MYO3B: variants seen among roughly 807,000 people sequenced by gnomAD.
MYO3B encodes myosin-IIIb.
MYO3B carries 156 observed loss-of-function variants against 174.6 expected under a neutral mutation model. The observed-to-expected ratio is 0.89, with a 90% CI of 0.78 to 1.02. The LOEUF (loss-of-function observed/expected upper bound fraction) is 1.02, where lower values mean the gene tolerates loss of function less well. Ranked by LOEUF, MYO3B falls within the 50% of genes least tolerant of loss-of-function variation. MYO3B has a pLI of 0.00. For synonymous variants in MYO3B, 563 were observed against 569.1 expected (o/e 0.99, Z 0.15); for missense variants, 1,632 against 1,639.4 (o/e 1.00, Z 0.08).
intron 7 of MYO3B, among the ~76,000 whole-genome samples, chr2:170,258,182 A>G (rs1169542465): frequency 6.6e-6 from 1 of 152,150 alleles, no homozygotes; most frequent in African/African-American, 2.4e-5. Context: ...AATTATCCAC[A>G]AAAGTCAAGG....
At chr2:170,356,142 T>C (rs1331111256) in intron 8 of MYO3B, among the ~76,000 whole-genome samples, 3 of 151,802 alleles carry the variant, frequency 2.0e-5, no homozygotes, top group Non-Finnish European at 4.4e-5. Context: ...TTTGTATTTT[T>C]ACTGGAGACG....
chr2:170,316,115 T>C (rs925696537), intron 7 of MYO3B, among the ~76,000 whole-genome samples: 3 of 152,242 alleles, frequency 2.0e-5, no homozygotes, highest in African/African-American at 7.2e-5. Context: ...GTATTCCATA[T>C]TCCCATATCT....
chr2:170,408,760 G>GAAAA (rs10668466), intron 22 of MYO3B, among the ~76,000 whole-genome samples: 74,770 of 144,396 alleles, frequency 0.52, 19,725 homozygotes, highest in East Asian at 0.68. Context: ...GCCTGGCTAA[G>GAAAA]AAAAAAAAAA....
At chr2:170,216,300 G>T (rs1348264843) in intron 5 of MYO3B, among the ~76,000 whole-genome samples, 2 of 152,122 alleles carry the variant, frequency 1.3e-5, no homozygotes, top group African/African-American at 4.8e-5. Flanking sequence ...TGGTATAAAA[G>T]AATACCTTAT....
At chr2:170,649,909 G>C (rs1245811700) in intron 32 of MYO3B, 1 of 148,622 alleles carries the variant, frequency 6.7e-6, no homozygotes, top group Non-Finnish European at 1.5e-5. Context: ...GAAATCTAGG[G>C]TTGGGTACCC....
intron 22 of MYO3B, among the ~76,000 whole-genome samples, chr2:170,416,150 C>G (rs1185980314): frequency 1.3e-5 from 2 of 152,120 alleles, no homozygotes; most frequent in African/African-American, 4.8e-5. Context: ...GGTGATGCAT[C>G]TGCAGCATCG....
At chr2:170,633,545 C>G (rs893424450) in intron 32 of MYO3B, among the ~76,000 whole-genome samples, 1 of 152,172 alleles carries the variant, frequency 6.6e-6, no homozygotes, top group Admixed American at 6.5e-5. Flanking sequence ...GAAGCATTCC[C>G]TTTGAAAACT....
At chr2:170,638,513 T>C (rs1456686255) in intron 32 of MYO3B, among the ~76,000 whole-genome samples, 1 of 152,230 alleles carries the variant, frequency 6.6e-6, no homozygotes, top group Non-Finnish European at 1.5e-5. Context: ...AAAGCATTTA[T>C]GTCAGTTTCA....
intron 7 of MYO3B, among the ~76,000 whole-genome samples, chr2:170,293,540 T>A (rs61398198): frequency 0.054 from 8,186 of 152,220 alleles, 745 homozygotes; most frequent in African/African-American, 0.18. Flanking sequence ...TCTCAACCTC[T>A]TCTCTGTCTG....
At chr2:170,340,590 C>A (rs915386230) in intron 8 of MYO3B, 1 of 152,146 alleles carries the variant, frequency 6.6e-6, no homozygotes, top group African/African-American at 2.4e-5. Flanking sequence ...CGAGTGAAAA[C>A]TACTTTTGTG....
intron 7 of MYO3B, among the ~76,000 whole-genome samples, chr2:170,314,799 C>G (rs2093763397): frequency 1.3e-5 from 2 of 152,182 alleles, no homozygotes; most frequent in Non-Finnish European, 2.9e-5. Flanking sequence ...AGAAAAGCAT[C>G]TTGTGCTGGT....
rs530448494 is a variant in MYO3B, at chr2:170,555,710, A to C, written c.3733+11722A>C. Among the ~76,000 whole-genome samples, 148 of 152,128 alleles carry C rather than the reference A, an allele frequency of 9.7e-4. 1 individual carries two copies. The South Asian group carries it at 0.012, about 13-fold the overall frequency. On this transcript the variant is annotated intron_variant, in intron 32 of 34. Coordinates refer to ENST00000408978, the MANE Select transcript of MYO3B (RefSeq NM_138995.5). Reference sequence around the variant, plus strand: ...AACACAGCAACACCCTGTCTCTACAAAAAATTTAAATATTAGCCAAGTGTT... The same window carrying C: ...AACACAGCAACACCCTGTCTCTACACAAAATTTAAATATTAGCCAAGTGTT...
intron 23 of MYO3B, among the ~76,000 whole-genome samples, chr2:170,450,337 A>G (rs1482134536): frequency 6.6e-6 from 1 of 152,256 alleles, no homozygotes; most frequent in Non-Finnish European, 1.5e-5. Context: ...GACATACTTT[A>G]TAATTTAATT....
chr2:170,569,757 G>T (rs895713088), intron 32 of MYO3B, among the ~76,000 whole-genome samples: 1 of 151,426 alleles, frequency 6.6e-6, no homozygotes, highest in African/African-American at 2.4e-5. Flanking sequence ...AGCTACTCAG[G>T]AGGCTGAGAC....
chr2:170,382,253 G>A (rs2094341216), intron 10 of MYO3B, 141 bp downstream of exon 10: 1 of 615,526 alleles, frequency 1.6e-6, no homozygotes, highest in Non-Finnish European at 2.9e-6. Flanking sequence ...AGTTCAGGGA[G>A]CATTCAGTTG....
chr2:170,401,470 C>G lies in MYO3B; in HGVS notation c.1919-11C>G. 1 of 1,613,496 alleles carries G rather than the reference C, an allele frequency of 6.2e-7. No individual in the cohort carries two copies. The highest frequency in any genetic ancestry group is 2.2e-5 in the East Asian group (1 of 44,850). ...GGCTACATTCTGTGTTATCCTTACT[C>G]TTTGTTTCAGCTGCCTCTGTTCTGT... On this transcript the variant is annotated splice_polypyrimidine_tract_variant and intron_variant, in intron 17 of 34. Transcript: ENST00000408978.
chr2:170,216,594 A>G (rs1478772111), intron 5 of MYO3B, among the ~76,000 whole-genome samples: 2 of 152,208 alleles, frequency 1.3e-5, no homozygotes, highest in Non-Finnish European at 2.9e-5. Context: ...CCCAACATTG[A>G]GCCCCAGATA....
At chr2:170,477,090 A>G (rs964704525) in intron 25 of MYO3B, among the ~76,000 whole-genome samples, 4 of 152,194 alleles carry the variant, frequency 2.6e-5, no homozygotes, top group African/African-American at 9.7e-5. Context: ...AAAGCTTTCC[A>G]TAACTGGTCT....
At chr2:170,204,677 T>C (rs888219264) in intron 3 of MYO3B, among the ~76,000 whole-genome samples, 1 of 152,214 alleles carries the variant, frequency 6.6e-6, no homozygotes, top group Non-Finnish European at 1.5e-5. Context: ...CCACATTTCC[T>C]GAATGCTGAG....
Sources: gnomAD v4.1 joint callset for allele counts (sites outside exome capture counted in the v4.1 genomes callset) on GRCh38, gnomAD v4.1.1 for gene constraint, MANE v1.5 for transcripts, NCBI Gene and HGNC (gene_info 2026-07-23, HGNC 2026-07-21) for gene names.